The following PPM1B variants were observed in gnomAD, a reference collection of about 807,000 sequenced individuals.
The protein encoded by PPM1B is protein phosphatase, Mg2+/Mn2+ dependent 1B.
PPM1B carries 22 observed loss-of-function variants against 43.0 expected under a neutral mutation model. The ratio of observed to expected loss-of-function variants is 0.51; its 90% confidence interval spans 0.37 to 0.73. The LOEUF (loss-of-function observed/expected upper bound fraction) is 0.73, where lower values mean the gene tolerates loss of function less well. Among genes scored for constraint, PPM1B ranks in the 30% least tolerant of loss-of-function variants. PPM1B has a pLI of 0.00. For synonymous variants in PPM1B, 217 were observed against 197.9 expected, an observed-to-expected ratio of 1.10 and a Z score of -0.81; for missense variants, 632 against 584.2, an observed-to-expected ratio of 1.08 and a Z score of -0.84.
downstream of PPM1B, among the ~76,000 whole-genome samples, chr2:44,238,544 A>G (rs930071090): frequency 1.3e-5 from 2 of 152,028 alleles, no homozygotes; most frequent in African/African-American, 4.8e-5. Flanking sequence ...TCTACTAAAA[A>G]TAGAAAAATT....
intron 1 of PPM1B, among the ~76,000 whole-genome samples, chr2:44,188,803 A>ACTCCCCTCCCC (rs1668259554): frequency 3.2e-5 from 1 of 31,492 alleles, no homozygotes; most frequent in Non-Finnish European, 6.5e-5. Flanking sequence ...TCCCCTTCCC[A>ACTCCCCTCCCC]CTCCCCTCCC....
downstream of PPM1B, among the ~76,000 whole-genome samples, chr2:44,246,457 A>G (rs553970670): frequency 1.3e-5 from 2 of 152,314 alleles, no homozygotes; most frequent in South Asian, 2.1e-4. Context: ...AATTTCATAC[A>G]TAAACCTCCC....
chr2:44,220,655 C>T (rs1475685205), intron 5 of PPM1B, among the ~76,000 whole-genome samples: 1 of 152,188 alleles, frequency 6.6e-6, no homozygotes, highest in African/African-American at 2.4e-5. Context: ...GTGCAGCTTA[C>T]ACTGTAGTTA....
intron 2 of PPM1B, among the ~76,000 whole-genome samples, chr2:44,205,362 T>TGTCGGG (rs1553333048): frequency 1.3e-5 from 2 of 150,792 alleles, no homozygotes; most frequent in African/African-American, 4.9e-5. Flanking sequence ...TGGGTGTGTG[T>TGTCGGG]GTGTGTGTGT....
chr2:44,191,540 C>T (rs1668404702), intron 1 of PPM1B, among the ~76,000 whole-genome samples: 1 of 152,158 alleles, frequency 6.6e-6, no homozygotes, highest in South Asian at 2.1e-4. Flanking sequence ...TATAACTTTG[C>T]ATAATGGCAT....
intron 3 of PPM1B, among the ~76,000 whole-genome samples, chr2:44,216,981 A>G (rs1669750099): frequency 6.6e-6 from 1 of 152,032 alleles, no homozygotes; most frequent in African/African-American, 2.4e-5. Flanking sequence ...CGAAAAGAGT[A>G]TGTGAAGATC....
intron 1 of PPM1B, among the ~76,000 whole-genome samples, chr2:44,193,409 A>T (rs1004549208): frequency 6.6e-6 from 1 of 151,144 alleles, no homozygotes; most frequent in African/African-American, 2.5e-5. Context: ...ATTTTGAAAA[A>T]AATTTTTTTA....
At chr2:44,233,272 T>C (rs779344705), downstream of PPM1B, 8 of 902,096 alleles carry the variant, frequency 8.9e-6, no homozygotes, top group Non-Finnish European at 1.1e-5. Flanking sequence ...TATAAATACA[T>C]TTAAAATTAT....
intron 2 of PPM1B, among the ~76,000 whole-genome samples, chr2:44,208,114 C>G (rs1448820778): frequency 6.6e-6 from 1 of 150,864 alleles, no homozygotes; most frequent in East Asian, 2.0e-4. Flanking sequence ...GGTCTTGAAC[C>G]CCTCACCTTG....
chr2:44,187,874 C>T (rs939240638), intron 1 of PPM1B, among the ~76,000 whole-genome samples: 2 of 152,120 alleles, frequency 1.3e-5, no homozygotes, highest in African/African-American at 4.8e-5. Context: ...CTCATCCTCC[C>T]TAGTAGCTGG....
At chr2:44,230,360 A>G (rs1340902923) in intron 5 of PPM1B, 53 bp from the exon 6 acceptor site, 5 of 1,585,840 alleles carry the variant, frequency 3.2e-6, no homozygotes, top group East Asian at 2.2e-5. Flanking sequence ...TATGAAATAC[A>G]TGTGATATCC....
chr2:44,209,422 G>A (rs1033766256), intron 3 of PPM1B, 95 bp downstream of exon 3: 48 of 1,340,248 alleles, frequency 3.6e-5, no homozygotes, highest in African/African-American at 1.2e-4. Flanking sequence ...ACACACCAAG[G>A]CTCTGTCTCA....
chr2:44,182,766 T>C lies in PPM1B; in HGVS notation c.-15+13492T>C, dbSNP rs1027480951. On this transcript the variant is annotated intron_variant, in intron 1 of 5. Transcript: ENST00000282412. ...TTTTTCATACTTTTTTTCTTTCTTA[T>C]AATTACTTTGTGTAGAATTGGACCG... is the stretch of plus-strand genomic sequence containing the variant. 1.6e-4 allele frequency among the ~76,000 whole-genome samples: 24 copies of C among 152,332 alleles called. 1 individual carries two copies. The South Asian group carries it at 5.0e-3, about 32-fold the overall frequency.
chr2:44,182,874 T>A (rs1187202333), intron 1 of PPM1B, among the ~76,000 whole-genome samples: 1 of 152,222 alleles, frequency 6.6e-6, no homozygotes, highest in Non-Finnish European at 1.5e-5. Context: ...AGTTTTTCTT[T>A]AGTGTAGAGC....
At position 44,201,796 on chromosome 2, in the gene PPM1B, T is replaced by A; in HGVS notation, c.597T>A (p.Ser199=). 6.2e-7 allele frequency: 1 copy of A among 1,614,222 alleles called. No homozygotes were observed. Among genetic ancestry groups the A allele is most frequent in the Non-Finnish European group, 8.5e-7 (1 of 1,180,042 alleles). ...GTGTTAATGGTTCATTAGCAGTATC[T>A]CGTGCTCTGGGGGACTATGATTACA... The part of the protein sequence containing the change: ...IQRVNGSLAV[S]RALGDYDYKC... The change falls in exon 2 of 6, where the codon TCT becomes TCA. Residue 199 remains serine (S), a synonymous_variant. Transcript: ENST00000282412. The surrounding 1 kb of genome is among the most constrained non-coding windows in gnomAD (Gnocchi z 5.4).
downstream of PPM1B, chr2:44,234,300 C>T (rs1033152350): frequency 3.6e-5 from 30 of 824,650 alleles, no homozygotes; most frequent in African/African-American, 4.1e-4. Context: ...GCGGGTGGAT[C>T]ACGAGGTCAA....
At chr2:44,240,298 G>A (rs1670718141) in intron 5 of PPM1B, among the ~76,000 whole-genome samples, 1 of 146,026 alleles carries the variant, frequency 6.8e-6, no homozygotes, top group African/African-American at 2.5e-5. Context: ...GTGTGTTTCT[G>A]TTGTACATTT....
At chr2:44,243,453 C>T (rs1332721128) in intron 5 of PPM1B, among the ~76,000 whole-genome samples, 1 of 152,104 alleles carries the variant, frequency 6.6e-6, no homozygotes, top group Non-Finnish European at 1.5e-5. Flanking sequence ...CATACAAAGA[C>T]AATTTTTTAT....
intron 5 of PPM1B, among the ~76,000 whole-genome samples, chr2:44,219,486 C>T (rs545348177): frequency 5.1e-4 from 77 of 151,990 alleles, no homozygotes; most frequent in African/African-American, 1.8e-3. Context: ...ATTTCTTTTC[C>T]TTAACAGTAA....
Sources: gnomAD v4.1 joint callset for allele counts (sites outside exome capture counted in the v4.1 genomes callset) on GRCh38, gnomAD v4.1.1 for gene constraint, Gnocchi (gnomAD v3.1) non-coding constraint, MANE v1.5 for transcripts, NCBI Gene and HGNC (gene_info 2026-07-23, HGNC 2026-07-21) for gene names.